Variants in TLL2 observed in about 807,000 individuals in gnomAD.
The protein encoded by TLL2 is tolloid-like protein 2.
A neutral mutation model predicts 123.0 loss-of-function variants in TLL2; 106 were observed. The ratio of observed to expected loss-of-function variants is 0.86; its 90% CI spans 0.74 to 1.01. The LOEUF (loss-of-function observed/expected upper bound fraction) is 1.01. Ranked by LOEUF, TLL2 falls within the 50% of genes least tolerant of loss-of-function variation. The probability of loss-of-function intolerance (pLI) is 0.00; values close to 1 mark genes in which losing one functional copy is unlikely to be tolerated. For synonymous variants in TLL2, 494 were observed against 516.8 expected, an observed-to-expected ratio of 0.96 and a Z score of 0.60; for missense variants, 1,332 against 1,336.7, an observed-to-expected ratio of 1.00 and a Z score of 0.06.
chr10:96,380,692 C>CAAAAA (rs57395382), intron 16 of TLL2, among the ~76,000 whole-genome samples: 17 of 53,104 alleles, frequency 3.2e-4, no homozygotes, highest in South Asian at 8.2e-4. Context: ...GACTCTATCT[C>CAAAAA]AAAAAAAAAA....
rs934869078 is a variant in TLL2 at position 96,513,915 on chromosome 10, G to A, written c.-230C>T. ...CTTGCCCGGCGGCCGAGGCTGCGGC[G>A]GCTGCGAGTGTGGCGGTGGCGGCGG... is the stretch of plus-strand genomic sequence containing the variant. On this transcript the variant is annotated 5_prime_UTR_variant, in exon 1 of 21. Transcript: ENST00000357947. 1.2e-5 allele frequency: 6 copies of A among 505,398 alleles called. No homozygotes were observed. In the East Asian group the frequency reaches 2.1e-4, roughly 18 times the overall value. 31.3% of individuals were successfully genotyped at this position (505,398 alleles called of 1,614,324 possible).
intron 18 of TLL2, among the ~76,000 whole-genome samples, chr10:96,375,035 G>T (rs561864082): frequency 6.6e-6 from 1 of 151,696 alleles, no homozygotes; most frequent in African/African-American, 2.4e-5. Flanking sequence ...TTGGGAGGGG[G>T]AAGGGACCAG....
intron 18 of TLL2, chr10:96,375,442 C>T (rs1846129187): frequency 6.6e-6 from 1 of 152,178 alleles, no homozygotes; most frequent in African/African-American, 2.4e-5. Flanking sequence ...GCGCTCCCAA[C>T]GCCAGAAGGC....
chr10:96,469,663 A>T (rs1002745414), intron 2 of TLL2, among the ~76,000 whole-genome samples: 4 of 146,096 alleles, frequency 2.7e-5, no homozygotes, highest in Non-Finnish European at 6.1e-5. Flanking sequence ...CCACCCTCCA[A>T]TCTGACCCAT....
intron 2 of TLL2, among the ~76,000 whole-genome samples, chr10:96,460,934 C>T (rs879649057): frequency 2.6e-5 from 4 of 152,164 alleles, no homozygotes; most frequent in Admixed American, 6.5e-5. Context: ...CTGCCAGCAC[C>T]TTGATCTTGG....
intron 1 of TLL2, among the ~76,000 whole-genome samples, chr10:96,506,239 G>A (rs562494144): frequency 1.0e-5 from 1 of 100,404 alleles, no homozygotes; most frequent in Non-Finnish European, 1.8e-5. Context: ...ATGACAGAGC[G>A]AGACCCCATC....
At chr10:96,488,425 G>A (rs555267437) in intron 1 of TLL2, among the ~76,000 whole-genome samples, 108 of 152,322 alleles carry the variant, frequency 7.1e-4, no homozygotes, top group African/African-American at 2.6e-3. Flanking sequence ...AAGGCCCAGA[G>A]AGCCCCTTCC....
At chr10:96,445,516 G>A (rs1846890227) in intron 3 of TLL2, among the ~76,000 whole-genome samples, 1 of 152,072 alleles carries the variant, frequency 6.6e-6, no homozygotes, top group African/African-American at 2.4e-5. Context: ...AGTAGACCAT[G>A]GAGTCTCTAG....
At chr10:96,490,832 G>A (rs1036535573) in intron 1 of TLL2, among the ~76,000 whole-genome samples, 4 of 152,158 alleles carry the variant, frequency 2.6e-5, no homozygotes, top group African/African-American at 9.7e-5. Context: ...CAGAAATACA[G>A]AATTTCAGAG....
chr10:96,421,083 A>G (rs369254413), intron 6 of TLL2, 22 bp from the exon 7 acceptor site: 4 of 1,602,454 alleles, frequency 2.5e-6, no homozygotes, highest in Non-Finnish European at 3.4e-6. Flanking sequence ...CACTGTGTTA[A>G]GCCCTTTGAA....
In TLL2 at chr10:96,401,560, CAA is replaced by C. The variant is rs776669305; in HGVS notation, c.1267+3670_1267+3671del. Among the ~76,000 whole-genome samples the C allele has an allele frequency of 8.3e-5, 11 of 132,736 alleles. No homozygotes were observed. In the South Asian group the frequency reaches 1.5e-3, roughly 18 times the overall value. 87.1% of individuals were successfully genotyped at this position (132,736 alleles called of 152,430 possible). A position where few individuals can be genotyped will look rare whatever the true frequency, so the allele number is the denominator to read the frequency against. On this transcript the variant is annotated intron_variant, in intron 10 of 20. Coordinates refer to ENST00000357947, the MANE Select transcript of TLL2 (RefSeq NM_012465.4). Reference sequence around the variant, plus strand: ...CAGTTAAAGTGGGTAAAATATGAGCCAAAAAAAAAAAACCTCAAAACAAAAAA... The same window carrying C: ...CAGTTAAAGTGGGTAAAATATGAGCCAAAAAAAAAACCTCAAAACAAAAAA...
intron 2 of TLL2, among the ~76,000 whole-genome samples, chr10:96,477,434 G>C (rs1847270549): frequency 6.6e-6 from 1 of 150,592 alleles, no homozygotes; most frequent in Non-Finnish European, 1.5e-5. Flanking sequence ...CTGCAGCCTC[G>C]ATCTCCCAGG....
Position 96,367,844 on chromosome 10 carries a change from A to G in TLL2, c.*244T>C, listed in dbSNP as rs2134048084. ...TCAGTGACTTCAATCCTAATCTTTA[A>G]CACTTTAACAGTTCATGAATGATAA... On this transcript the variant is annotated 3_prime_UTR_variant, in exon 21 of 21. Transcript: ENST00000357947. The G allele has an allele frequency of 2.2e-6, 1 of 452,596 alleles. No homozygotes were observed. The highest frequency in any genetic ancestry group is 4.0e-6 in the Non-Finnish European group (1 of 251,006). 28.0% of individuals were successfully genotyped at this position (452,596 alleles called of 1,614,324 possible). A position where few individuals can be genotyped will look rare whatever the true frequency, so the allele number is the denominator to read the frequency against.
chr10:96,451,784 C>G (rs896410448), intron 2 of TLL2, among the ~76,000 whole-genome samples: 2 of 152,148 alleles, frequency 1.3e-5, no homozygotes, highest in Admixed American at 1.3e-4. Flanking sequence ...TAGGGACACA[C>G]CGCCATTGGG....
chr10:96,477,081 C>G (rs908172895), intron 2 of TLL2, among the ~76,000 whole-genome samples: 1 of 92,054 alleles, frequency 1.1e-5, no homozygotes, highest in Non-Finnish European at 2.1e-5. Context: ...GTTTAATCAA[C>G]AAAAACAATA....
At chr10:96,476,875 C>G (rs868039234) in intron 2 of TLL2, among the ~76,000 whole-genome samples, 6 of 144,530 alleles carry the variant, frequency 4.2e-5, no homozygotes, top group African/African-American at 5.4e-5. Flanking sequence ...CACACACACA[C>G]ACACACACAC....
intron 9 of TLL2, among the ~76,000 whole-genome samples, chr10:96,408,999 A>G (rs1846476263): frequency 6.6e-6 from 1 of 152,188 alleles, no homozygotes. Flanking sequence ...TCTACAGAAA[A>G]TGCTCACAAT....
chr10:96,457,214 C>A (rs762421799), intron 2 of TLL2, among the ~76,000 whole-genome samples: 2 of 152,200 alleles, frequency 1.3e-5, no homozygotes, highest in Non-Finnish European at 2.9e-5. Context: ...GGTGACCACA[C>A]TGCAGCCTAG....
intron 7 of TLL2, among the ~76,000 whole-genome samples, chr10:96,417,752 A>G (rs373772568): frequency 6.6e-6 from 1 of 152,320 alleles, no homozygotes; most frequent in South Asian, 2.1e-4. Flanking sequence ...ACAGAGGGGC[A>G]TGAACAGGCA....
Sources: gnomAD v4.1 joint callset for allele counts (sites outside exome capture counted in the v4.1 genomes callset) on GRCh38, gnomAD v4.1.1 for gene constraint, MANE v1.5 for transcripts, NCBI Gene and HGNC (gene_info 2026-07-23, HGNC 2026-07-21) for gene names.